The following FBXW8 variants were observed in gnomAD, a reference collection of about 807,000 sequenced individuals.
FBXW8 encodes F-box/WD repeat-containing protein 8.
In FBXW8, 57 loss-of-function variants were observed where a neutral mutation model predicts 65.3. The observed-to-expected ratio is 0.87, with a 90% CI of 0.71 to 1.09. The LOEUF (loss-of-function observed/expected upper bound fraction) is 1.09. FBXW8 is among the 50% of genes least tolerant of loss of function. The pLI is 0.00. For synonymous variants in FBXW8, 308 were observed against 330.2 expected (o/e 0.93, Z 0.73); for missense variants, 777 against 814.8 (o/e 0.95, Z 0.57).
At chr12:116,992,655 T>C (rs1289597477) in intron 7 of FBXW8, among the ~76,000 whole-genome samples, 1 of 152,184 alleles carries the variant, frequency 6.6e-6, no homozygotes, top group African/African-American at 2.4e-5. Flanking sequence ...ATGCTGTATT[T>C]AGTTTTCCAT....
At chr12:116,949,483 G>T in intron 3 of FBXW8, 135 bp from the exon 4 acceptor site, 1 of 720,004 alleles carries the variant, frequency 1.4e-6, no homozygotes, top group Admixed American at 2.1e-5. Context: ...CTTTTTGAAT[G>T]CCCATGGAAC....
At chr12:117,010,194 T>G in intron 7 of FBXW8, 129 bp from the exon 8 acceptor site, 1 of 1,388,984 alleles carries the variant, frequency 7.2e-7, no homozygotes, top group Non-Finnish European at 9.9e-7. Flanking sequence ...ATCAGGAAAT[T>G]AAGTGGCAGA....
chr12:116,964,872 T>G lies in FBXW8; in HGVS notation c.835+18T>G, dbSNP rs2137391358. ...TGAGGATGGTAAGTAACCACAACCC[T>G]CCTCCCTATTAAGGAAAAAAAAAAG... On this transcript the variant is annotated intron_variant, in intron 5 of 10. Coordinates refer to ENST00000652555, the MANE Select transcript of FBXW8 (RefSeq NM_153348.3). 6.4e-7 allele frequency: 1 copy of G among 1,556,318 alleles called. No homozygotes were observed. The highest frequency in any genetic ancestry group is 8.6e-7 in the Non-Finnish European group (1 of 1,156,208).
intron 5 of FBXW8, among the ~76,000 whole-genome samples, chr12:116,967,215 A>G (rs1203819964): frequency 4.7e-5 from 7 of 148,452 alleles, no homozygotes; most frequent in African/African-American, 1.8e-4. Flanking sequence ...CCGTGTTCAC[A>G]CTTACAGGGT....
At chr12:117,004,831 T>C (rs6490103) in intron 7 of FBXW8, among the ~76,000 whole-genome samples, 69,437 of 152,056 alleles carry the variant, frequency 0.46, 19,930 homozygotes, top group African/African-American at 0.82. Context: ...GGAGGGAGGG[T>C]CCAAACTAGC....
intron 9 of FBXW8, among the ~76,000 whole-genome samples, chr12:117,025,814 C>T (rs1013518850): frequency 6.6e-6 from 1 of 151,836 alleles, no homozygotes; most frequent in East Asian, 1.9e-4. Flanking sequence ...TCCAGGTCCT[C>T]AGGGATGGCT....
chr12:116,951,749 G>A (rs1883300681), intron 4 of FBXW8, among the ~76,000 whole-genome samples: 1 of 152,180 alleles, frequency 6.6e-6, no homozygotes, highest in Middle Eastern at 3.4e-3. Flanking sequence ...GATATTTATT[G>A]CAGTGAACCT....
intron 2 of FBXW8, among the ~76,000 whole-genome samples, chr12:116,942,503 T>C (rs1249563671): frequency 6.6e-6 from 1 of 151,130 alleles, no homozygotes; most frequent in East Asian, 1.9e-4. Flanking sequence ...GCCTCCCGAG[T>C]AGCTGGGATT....
chr12:116,917,662 G>A lies in FBXW8; in HGVS notation c.318+6307G>A, dbSNP rs116356166. 8.3e-3 allele frequency among the ~76,000 whole-genome samples: 1,267 copies of A among 152,288 alleles called. 18 individuals are homozygous for A. Among genetic ancestry groups the A allele is most frequent in the African/African-American group, 0.029 (1,199 of 41,550 alleles). ...CTTGGAGTGTCATCTGGCTGGTATA[G>A]GCCAGAACCTCTGATGGGCAAGCAA... On this transcript the variant is annotated intron_variant, in intron 1 of 10. Coordinates refer to ENST00000652555, the MANE Select transcript of FBXW8 (RefSeq NM_153348.3).
intron 7 of FBXW8, among the ~76,000 whole-genome samples, chr12:117,001,608 C>T (rs1413430091): frequency 6.6e-6 from 1 of 152,034 alleles, no homozygotes; most frequent in African/African-American, 2.4e-5. Context: ...GTTTTCACTC[C>T]GTAAGATAGA....
chr12:116,919,120 C>G (rs566703328), intron 1 of FBXW8, among the ~76,000 whole-genome samples: 1 of 152,206 alleles, frequency 6.6e-6, no homozygotes, highest in African/African-American at 2.4e-5. Context: ...GTAACTGATG[C>G]TATGGAAAGC....
chr12:116,918,365 A>G (rs1223883069), intron 1 of FBXW8, among the ~76,000 whole-genome samples: 8 of 152,178 alleles, frequency 5.3e-5, no homozygotes, highest in African/African-American at 1.4e-4. Context: ...TCTGGGCTGC[A>G]GGCAACAAGC....
intron 1 of FBXW8, among the ~76,000 whole-genome samples, chr12:116,926,665 G>A (rs1296389896): frequency 2.0e-5 from 3 of 151,970 alleles, no homozygotes; most frequent in Middle Eastern, 6.8e-3. Flanking sequence ...TTTTCTGTAT[G>A]GTCAAAATTT....
In FBXW8 at chr12:117,028,115, C is replaced by T. The variant is rs1011514587; in HGVS notation, c.1740C>T (p.Asp580=). 28 of 1,614,076 alleles carry T rather than the reference C, an allele frequency of 1.7e-5. No homozygotes were observed. The highest frequency in any genetic ancestry group is 3.3e-4 in the Middle Eastern group (2 of 6,084). ...SPLPVCRSSC[D]AMATHYYDLA... ...TCCCTGTCTGCCGTTCATCCTGTGA[C>T]GCCATGGCCACTCACTACTACGACC... Residue 580 remains aspartate (D), a synonymous_variant, in exon 11 of 11, where the codon GAC becomes GAT. Coordinates refer to ENST00000652555, the MANE Select transcript of FBXW8 (RefSeq NM_153348.3). This position sits in a 1 kb window ranked among gnomAD's most constrained non-coding sequence, Gnocchi z 4.1.
chr12:117,028,320 C>T lies in FBXW8; in HGVS notation c.*148C>T. On this transcript the variant is annotated 3_prime_UTR_variant, in exon 11 of 11. Coordinates refer to ENST00000652555, the MANE Select transcript of FBXW8 (RefSeq NM_153348.3). This position sits in a 1 kb window ranked among gnomAD's most constrained non-coding sequence, Gnocchi z 4.1. ...TGCCTGACAGCACGCATCTCCCTGACCCCTGCACTTCCCCCAGCGCCTGGG... is the reference window on the plus strand; with the variant it reads ...TGCCTGACAGCACGCATCTCCCTGATCCCTGCACTTCCCCCAGCGCCTGGG... The T allele has an allele frequency of 1.1e-6, 1 of 949,800 alleles. No homozygotes were observed. The highest frequency in any genetic ancestry group is 1.5e-6 in the Non-Finnish European group (1 of 650,820). 58.8% of individuals were successfully genotyped at this position (949,800 alleles called of 1,614,324 possible). A position where few individuals can be genotyped will look rare whatever the true frequency, so the allele number is the denominator to read the frequency against.
chr12:116,999,027 G>T (rs1297972449), intron 7 of FBXW8, among the ~76,000 whole-genome samples: 3 of 152,210 alleles, frequency 2.0e-5, no homozygotes, highest in Admixed American at 6.5e-5. Flanking sequence ...CTGTGTTAGA[G>T]AGTGGGTTTG....
intron 6 of FBXW8, 109 bp downstream of exon 6, chr12:116,985,511 G>A (rs990997033): frequency 2.4e-5 from 25 of 1,061,692 alleles, no homozygotes; most frequent in African/African-American, 4.8e-5. Context: ...AGCTTCCTGC[G>A]GGCCTTACCT....
intron 7 of FBXW8, among the ~76,000 whole-genome samples, chr12:117,002,276 G>A (rs1193514026): frequency 2.0e-5 from 3 of 152,210 alleles, no homozygotes; most frequent in African/African-American, 7.2e-5. Context: ...GCCTGGCGAC[G>A]CTCAGCAACA....
At chr12:116,931,840 ATTTC>A (rs1166335179) in intron 2 of FBXW8, among the ~76,000 whole-genome samples, 2 of 151,094 alleles carry the variant, frequency 1.3e-5, no homozygotes, top group Admixed American at 1.3e-4. Context: ...GATGCCTTTT[ATTTC>A]TTTCTGTTGC....
Sources: allele counts gnomAD v4.1 joint callset (sites outside exome capture counted in the v4.1 genomes callset), GRCh38; gene constraint gnomAD v4.1.1; non-coding constraint Gnocchi (gnomAD v3.1); transcripts MANE v1.5; gene names NCBI Gene and HGNC (gene_info 2026-07-23, HGNC 2026-07-21).